Variants in AVEN observed in about 807,000 individuals in gnomAD.
AVEN encodes the protein apoptosis and caspase activation inhibitor.
A neutral mutation model predicts 38.1 loss-of-function variants in AVEN; 41 were observed. The observed-to-expected ratio is 1.08, with a 90% CI of 0.84 to 1.40. The LOEUF (loss-of-function observed/expected upper bound fraction) is 1.40, where lower values mean the gene tolerates loss of function less well. AVEN is among the 40% of genes most tolerant of loss of function. The pLI is 0.00. For synonymous variants in AVEN, 206 were observed against 171.8 expected, an observed-to-expected ratio of 1.20 and a Z score of -1.56; for missense variants, 605 against 438.8, an observed-to-expected ratio of 1.38 and a Z score of -3.38.
At chr15:33,953,443 A>G (rs1466729226) in intron 2 of AVEN, among the ~76,000 whole-genome samples, 2 of 152,206 alleles carry the variant, frequency 1.3e-5, no homozygotes, top group Non-Finnish European at 2.9e-5. Flanking sequence ...AAACAGAGAT[A>G]TAGACCAATG....
intron 2 of AVEN, among the ~76,000 whole-genome samples, chr15:33,980,447 C>A (rs1234204372): frequency 6.6e-6 from 1 of 152,186 alleles, no homozygotes; most frequent in Admixed American, 6.5e-5. Context: ...ACTCTCCAAA[C>A]GTGCTGCCTC....
rs531628823 is a variant in AVEN, at chr15:33,946,853, G to C, written c.445+56179C>G. On this transcript the variant is annotated intron_variant, in intron 2 of 5. Transcript: ENST00000306730. ...GAAGTCACAGATGTAGTGCGGGCTCGGTCACAGGAGGAGCAATCTGAGCAA... is the reference window on the plus strand; with the variant it reads ...GAAGTCACAGATGTAGTGCGGGCTCCGTCACAGGAGGAGCAATCTGAGCAA... Among the ~76,000 whole-genome samples, 11 of 152,260 alleles carry C rather than the reference G, an allele frequency of 7.2e-5. 1 individual carries two copies. The South Asian group carries it at 1.7e-3, about 23-fold the overall frequency.
chr15:33,869,732 T>A (rs1212576049), intron 4 of AVEN, among the ~76,000 whole-genome samples: 1 of 152,184 alleles, frequency 6.6e-6, no homozygotes, highest in Admixed American at 6.5e-5. Flanking sequence ...TTCATTACTA[T>A]GCTCAAGCTT....
chr15:33,958,299 G>A lies in AVEN; in HGVS notation c.445+44733C>T, dbSNP rs562757676. 1.1e-4 allele frequency among the ~76,000 whole-genome samples: 17 copies of A among 152,034 alleles called. No individual in the cohort carries two copies. In the East Asian group the frequency reaches 2.5e-3, roughly 22 times the overall value. On this transcript the variant is annotated intron_variant, in intron 2 of 5. Transcript: ENST00000306730. ...TTGAATAATAAGAAAACTTCTTCTC[G>A]CCATGCACTGTGGCTCACGCCTGCA...
chr15:34,069,762 G>T (rs1328241390), intron 2 of AVEN, among the ~76,000 whole-genome samples: 1 of 152,122 alleles, frequency 6.6e-6, no homozygotes, highest in Non-Finnish European at 1.5e-5. Flanking sequence ...TTGATTCAGT[G>T]TGGTTATATT....
At chr15:34,039,870 T>G (rs1899391910), upstream of AVEN, among the ~76,000 whole-genome samples, 1 of 152,174 alleles carries the variant, frequency 6.6e-6, no homozygotes. Flanking sequence ...AACTAGGTAG[T>G]GGTGGAACTG....
intron 2 of AVEN, among the ~76,000 whole-genome samples, chr15:33,978,377 G>A (rs60044628): frequency 0.039 from 6,003 of 152,146 alleles, 414 homozygotes; most frequent in African/African-American, 0.14. Context: ...AAATTAAAGC[G>A]TACAGGCCGG....
chr15:34,000,973 A>G (rs1897114818), intron 2 of AVEN, among the ~76,000 whole-genome samples: 2 of 152,114 alleles, frequency 1.3e-5, no homozygotes, highest in South Asian at 4.1e-4. Flanking sequence ...TAAAATAAAT[A>G]ACCAAAATCA....
chr15:33,866,824 AACATTC>A, intron 5 of AVEN, 96 bp from the exon 6 acceptor site: 1 of 837,920 alleles, frequency 1.2e-6, no homozygotes, highest in Non-Finnish European at 1.9e-6. Flanking sequence ...AACAAGGGGA[AACATTC>A]TCATTATTCT....
intron 2 of AVEN, among the ~76,000 whole-genome samples, chr15:33,961,580 A>AGGC (rs1895166873): frequency 6.6e-6 from 1 of 151,866 alleles, no homozygotes; most frequent in African/African-American, 2.4e-5. Context: ...TTGGGAGGCC[A>AGGC]AGGTGGGCGA....
intron 2 of AVEN, among the ~76,000 whole-genome samples, chr15:33,930,094 C>T (rs758683907): frequency 2.0e-5 from 3 of 152,156 alleles, no homozygotes; most frequent in Non-Finnish European, 4.4e-5. Flanking sequence ...GGAAACTGTT[C>T]TAGCATGCCA....
chr15:33,863,540 G>C (rs1300711927), downstream of AVEN, among the ~76,000 whole-genome samples: 1 of 152,170 alleles, frequency 6.6e-6, no homozygotes, highest in Non-Finnish European at 1.5e-5. Context: ...AATGTGAGCT[G>C]AGAGTTCAGC....
At chr15:33,884,917 T>G (rs1475475241) in intron 2 of AVEN, among the ~76,000 whole-genome samples, 2 of 152,238 alleles carry the variant, frequency 1.3e-5, no homozygotes, top group African/African-American at 4.8e-5. Context: ...ATCCTGGCTA[T>G]TTGGATCTTT....
At chr15:34,030,687 T>C (rs1179229114) in intron 1 of AVEN, among the ~76,000 whole-genome samples, 1 of 151,990 alleles carries the variant, frequency 6.6e-6, no homozygotes, top group Non-Finnish European at 1.5e-5. Context: ...GGAGTGATCA[T>C]AGCTCACTGC....
intron 2 of AVEN, among the ~76,000 whole-genome samples, chr15:33,906,970 C>A (rs1373560608): frequency 6.6e-6 from 1 of 152,000 alleles, no homozygotes; most frequent in South Asian, 2.1e-4. Flanking sequence ...GGGGTGTACA[C>A]AAATTGGTTA....
intron 2 of AVEN, among the ~76,000 whole-genome samples, chr15:33,881,249 C>G (rs1891474093): frequency 6.6e-6 from 1 of 151,510 alleles, no homozygotes; most frequent in African/African-American, 2.4e-5. Flanking sequence ...ACCACCATGC[C>G]CAGCAAATTT....
At chr15:34,003,269 TC>T in intron 1 of AVEN, 60 bp from the exon 2 acceptor site, 1 of 1,518,126 alleles carries the variant, frequency 6.6e-7, no homozygotes, top group Non-Finnish European at 9.0e-7. Flanking sequence ...TTAGTAGACT[TC>T]CCAGTAAAAC....
downstream of AVEN, chr15:33,864,048 T>C: frequency 2.2e-6 from 2 of 925,382 alleles, no homozygotes; most frequent in South Asian, 1.5e-5. Flanking sequence ...TGGGACCAAC[T>C]AGCCTTTCTG....
At chr15:33,867,894 T>G in intron 4 of AVEN, 39 bp from the exon 5 acceptor site, 2 of 1,525,766 alleles carry the variant, frequency 1.3e-6, no homozygotes, top group South Asian at 2.7e-5. Context: ...AAAATGTGAG[T>G]CTTGCCATAT....
Sources: gnomAD v4.1 joint callset for allele counts (sites outside exome capture counted in the v4.1 genomes callset) on GRCh38, gnomAD v4.1.1 for gene constraint, MANE v1.5 for transcripts, NCBI Gene and HGNC (gene_info 2026-07-23, HGNC 2026-07-21) for gene names.